Variants in CSMD1 observed in about 807,000 individuals in gnomAD.
CSMD1 encodes the protein CUB and Sushi multiple domains 1.
CSMD1 carries 213 observed loss-of-function variants against 417.5 expected under a neutral mutation model. The observed-to-expected ratio is 0.51, with a 90% CI of 0.46 to 0.57. The LOEUF (loss-of-function observed/expected upper bound fraction) is 0.57, where lower values mean the gene tolerates loss of function less well. Among genes scored for constraint, CSMD1 ranks in the 20% least tolerant of loss-of-function variants. CSMD1 has a pLI of 0.00. For missense variants in CSMD1, 6,923 were observed against 4,529.7 expected (o/e 1.53, Z -15.17); for synonymous variants, 2,862 against 1,736.8 (o/e 1.65, Z -16.11).
intron 4 of CSMD1, among the ~76,000 whole-genome samples, chr8:4,015,976 G>C (rs529103180): frequency 2.6e-5 from 4 of 152,298 alleles, no homozygotes; most frequent in East Asian, 1.9e-4. Flanking sequence ...GGGAAATGTA[G>C]AAAAGCACCA....
chr8:3,885,988 TATATATATGTGTAC>T (rs557256412), intron 5 of CSMD1, among the ~76,000 whole-genome samples: 229 of 152,086 alleles, frequency 1.5e-3, no homozygotes, highest in African/African-American at 4.0e-3. Flanking sequence ...ATTCAAATTA[TATATATATGTGTAC>T]ATATATATGT....
intron 1 of CSMD1, among the ~76,000 whole-genome samples, chr8:4,954,651 G>A (rs865870994): frequency 2.6e-5 from 4 of 152,254 alleles, no homozygotes; most frequent in Middle Eastern, 3.4e-3. Context: ...AATACCCAAT[G>A]TGTACTCATC....
intron 3 of CSMD1, among the ~76,000 whole-genome samples, chr8:4,131,408 T>G (rs1006702678): frequency 1.3e-5 from 2 of 152,144 alleles, no homozygotes; most frequent in Non-Finnish European, 2.9e-5. Flanking sequence ...CTTGAGCTAT[T>G]TGTACCACCT....
At chr8:4,224,428 T>A (rs970121793) in intron 3 of CSMD1, among the ~76,000 whole-genome samples, 1 of 152,142 alleles carries the variant, frequency 6.6e-6, no homozygotes, top group Non-Finnish European at 1.5e-5. Context: ...ACCTAGGAAA[T>A]CTTTTAAAGC....
chr8:4,771,955 T>G (rs1383410787), intron 1 of CSMD1, among the ~76,000 whole-genome samples: 2 of 152,218 alleles, frequency 1.3e-5, no homozygotes, highest in African/African-American at 4.8e-5. Flanking sequence ...TGATAATTCC[T>G]GCAACAATGA....
chr8:4,291,978 C>G (rs1421842554), intron 3 of CSMD1, among the ~76,000 whole-genome samples: 8 of 152,122 alleles, frequency 5.3e-5, no homozygotes, highest in Admixed American at 5.2e-4. Flanking sequence ...TTTCTTTCAT[C>G]AGAGTTTGAG....
intron 1 of CSMD1, among the ~76,000 whole-genome samples, chr8:4,925,942 C>G (rs890081411): frequency 5.3e-5 from 8 of 152,122 alleles, no homozygotes; most frequent in Admixed American, 2.6e-4. Flanking sequence ...GCATTTCCAG[C>G]CAGAGGTTTA....
intron 1 of CSMD1, among the ~76,000 whole-genome samples, chr8:4,954,553 T>A (rs1342954997): frequency 6.6e-6 from 1 of 152,184 alleles, no homozygotes; most frequent in African/African-American, 2.4e-5. Flanking sequence ...AAAAAATATG[T>A]TTAAATGATA....
rs143559166 is a variant in CSMD1 at position 4,130,233 on chromosome 8, G to A, written c.416-98134C>T. Among the ~76,000 whole-genome samples the A allele has an allele frequency of 3.9e-5, 6 of 152,186 alleles. No individual in the cohort carries two copies. The East Asian group carries it at 9.6e-4, about 24-fold the overall frequency. ...CCCTCACTTTCTTCTTGTCAGTCTA[G>A]TATGTAAGTTTGGAGAGCCAAGGAT... On this transcript the variant is annotated intron_variant, in intron 3 of 69. Coordinates refer to ENST00000635120, the MANE Select transcript of CSMD1 (RefSeq NM_033225.6).
At chr8:4,819,901 G>A (rs1379269241) in intron 1 of CSMD1, among the ~76,000 whole-genome samples, 2 of 152,100 alleles carry the variant, frequency 1.3e-5, no homozygotes, top group African/African-American at 2.4e-5. Flanking sequence ...GACTTTGGGG[G>A]TGGGGAGAAC....
At chr8:4,706,413 C>T (rs1482802927) in intron 1 of CSMD1, among the ~76,000 whole-genome samples, 1 of 152,140 alleles carries the variant, frequency 6.6e-6, no homozygotes, top group African/African-American at 2.4e-5. Context: ...AATGAAATTG[C>T]TATAGCATAA....
chr8:3,770,258 T>A (rs1046266594), intron 5 of CSMD1, among the ~76,000 whole-genome samples: 2 of 152,172 alleles, frequency 1.3e-5, no homozygotes, highest in African/African-American at 2.4e-5. Flanking sequence ...CTGGGCACAG[T>A]GTCTCATGCC....
intron 3 of CSMD1, among the ~76,000 whole-genome samples, chr8:4,343,304 G>T (rs917418708): frequency 1.7e-4 from 26 of 151,956 alleles, no homozygotes; most frequent in African/African-American, 6.0e-4. Context: ...TTGGCCAAAG[G>T]GTACAAAATT....
intron 26 of CSMD1, among the ~76,000 whole-genome samples, chr8:3,258,786 T>C (rs1585829251): frequency 6.6e-6 from 1 of 152,172 alleles, no homozygotes; most frequent in Non-Finnish European, 1.5e-5. Context: ...ATCATGTCCT[T>C]TACAGGAACA....
intron 5 of CSMD1, among the ~76,000 whole-genome samples, chr8:3,823,698 C>T (rs578168920): frequency 6.6e-6 from 1 of 151,976 alleles, no homozygotes; most frequent in East Asian, 1.9e-4. Context: ...ATGTTTGAAC[C>T]ATTTAACTTA....
intron 27 of CSMD1, among the ~76,000 whole-genome samples, chr8:3,224,407 A>G (rs1798381351): frequency 6.6e-6 from 1 of 152,218 alleles, no homozygotes; most frequent in Non-Finnish European, 1.5e-5. Context: ...TCTGGATCTG[A>G]ACAAGTGTTC....
At chr8:4,152,145 T>C (rs1796601124) in intron 3 of CSMD1, among the ~76,000 whole-genome samples, 1 of 152,196 alleles carries the variant, frequency 6.6e-6, no homozygotes, top group South Asian at 2.1e-4. Context: ...ACGATAATTG[T>C]TTGAAATTGG....
At chr8:4,549,858 C>G (rs1387067743) in intron 2 of CSMD1, among the ~76,000 whole-genome samples, 1 of 129,074 alleles carries the variant, frequency 7.7e-6, no homozygotes, top group African/African-American at 2.9e-5. Context: ...GATCTTGCCA[C>G]TGCACTCCAG....
chr8:3,061,551 G>A (rs939712608), intron 49 of CSMD1, among the ~76,000 whole-genome samples: 6 of 152,144 alleles, frequency 3.9e-5, no homozygotes, highest in African/African-American at 1.4e-4. Context: ...TTAATCCACA[G>A]TTGGCCAGGG....
Sources: allele counts gnomAD v4.1 joint callset (sites outside exome capture counted in the v4.1 genomes callset), GRCh38; gene constraint gnomAD v4.1.1; transcripts MANE v1.5; gene names NCBI Gene and HGNC (gene_info 2026-07-23, HGNC 2026-07-21).